Variants in LDLRAD3 observed in about 807,000 individuals in gnomAD.
LDLRAD3 encodes the protein low-density lipoprotein receptor class A domain-containing protein 3.
A neutral mutation model predicts 29.4 loss-of-function variants in LDLRAD3; 20 were observed. The ratio of observed to expected loss-of-function variants is 0.68; its 90% CI spans 0.48 to 0.99. LDLRAD3 has a LOEUF of 0.99. Ranked by LOEUF, LDLRAD3 falls within the 50% of genes least tolerant of loss-of-function variation. LDLRAD3 has a pLI of 0.00. For missense variants in LDLRAD3, 420 were observed against 454.3 expected (o/e 0.92, Z 0.69); for synonymous variants, 157 against 192.7 (o/e 0.81, Z 1.53).
chr11:35,947,700 A>G (rs1248498561), intron 1 of LDLRAD3, among the ~76,000 whole-genome samples: 2 of 152,168 alleles, frequency 1.3e-5, no homozygotes, highest in African/African-American at 2.4e-5. Context: ...GGAGAGATTG[A>G]TAATACCCAG....
intron 2 of LDLRAD3, among the ~76,000 whole-genome samples, chr11:36,046,744 C>T (rs1393492625): frequency 6.6e-6 from 1 of 152,138 alleles, no homozygotes; most frequent in Admixed American, 6.5e-5. Flanking sequence ...ACTTAGCTGC[C>T]TGGTGGTCCC....
At chr11:36,004,045 G>A (rs1387839182) in intron 1 of LDLRAD3, among the ~76,000 whole-genome samples, 1 of 152,114 alleles carries the variant, frequency 6.6e-6, no homozygotes, top group East Asian at 1.9e-4. Flanking sequence ...TGAGACTTGG[G>A]TGGGGGCACA....
At chr11:36,069,487 G>A (rs1392723522) in intron 2 of LDLRAD3, among the ~76,000 whole-genome samples, 1 of 152,124 alleles carries the variant, frequency 6.6e-6, no homozygotes, top group Non-Finnish European at 1.5e-5. Flanking sequence ...TTTCACTTTG[G>A]GGAGCTGTGC....
At chr11:36,073,982 A>C (rs1218070814) in intron 2 of LDLRAD3, among the ~76,000 whole-genome samples, 2 of 152,116 alleles carry the variant, frequency 1.3e-5, no homozygotes, top group African/African-American at 4.8e-5. Flanking sequence ...CAGTTTTCTT[A>C]TCTGTAAAAT....
chr11:36,185,061 C>A (rs889511773), intron 4 of LDLRAD3, among the ~76,000 whole-genome samples: 1 of 151,906 alleles, frequency 6.6e-6, no homozygotes, highest in Non-Finnish European at 1.5e-5. Context: ...AGGTTTTTTC[C>A]CCAGTAGGGG....
intron 1 of LDLRAD3, among the ~76,000 whole-genome samples, chr11:35,985,137 C>T (rs972890026): frequency 6.6e-6 from 1 of 152,026 alleles, no homozygotes; most frequent in Non-Finnish European, 1.5e-5. Flanking sequence ...TCCTTTGTTG[C>T]CCAGGCTGAT....
At chr11:36,117,680 C>T (rs1404347425) in intron 4 of LDLRAD3, among the ~76,000 whole-genome samples, 4 of 152,208 alleles carry the variant, frequency 2.6e-5, no homozygotes, top group South Asian at 2.1e-4. Context: ...GTGTGACAGC[C>T]GTGGCTGCTG....
intron 4 of LDLRAD3, among the ~76,000 whole-genome samples, chr11:36,099,375 C>T (rs551993254): frequency 1.3e-5 from 2 of 152,042 alleles, no homozygotes; most frequent in East Asian, 1.9e-4. Flanking sequence ...TTAAGGCATC[C>T]GAAAGAATAT....
At position 36,057,322 on chromosome 11, in the gene LDLRAD3, C is replaced by T. The variant is rs538326223; in HGVS notation, c.193+21073C>T. Among the ~76,000 whole-genome samples the T allele has an allele frequency of 1.3e-3, 196 of 151,380 alleles. 4 individuals are homozygous for T. The South Asian group carries it at 0.038, about 30-fold the overall frequency. On this transcript the variant is annotated intron_variant, in intron 2 of 5. Coordinates refer to ENST00000315571, the MANE Select transcript of LDLRAD3 (RefSeq NM_174902.4). ...GAAGCCCACTTGTATCCTGTTTCGC[C>T]GGGGGAGCCTAATCTACACTCAAGT...
At chr11:36,116,823 A>G (rs1271769635) in intron 4 of LDLRAD3, among the ~76,000 whole-genome samples, 1 of 150,130 alleles carries the variant, frequency 6.7e-6, no homozygotes, top group East Asian at 2.0e-4. Context: ...TTGCCTGAGT[A>G]ACCTTTCTTT....
intron 1 of LDLRAD3, among the ~76,000 whole-genome samples, chr11:36,029,737 A>G: frequency 6.6e-6 from 1 of 152,174 alleles, no homozygotes; most frequent in South Asian, 2.1e-4. Flanking sequence ...GGCTTTCTTT[A>G]CTAACTCGCT....
intron 4 of LDLRAD3, among the ~76,000 whole-genome samples, chr11:36,175,622 G>C (rs777172093): frequency 3.3e-5 from 5 of 152,138 alleles, no homozygotes; most frequent in Non-Finnish European, 7.4e-5. Context: ...TGGTTTTAAG[G>C]GTTCCTTTTG....
chr11:36,165,818 A>G (rs1854504683), intron 4 of LDLRAD3, among the ~76,000 whole-genome samples: 1 of 151,392 alleles, frequency 6.6e-6, no homozygotes, highest in Admixed American at 6.6e-5. Flanking sequence ...TGATCCAAAG[A>G]TTCTAGTTAA....
At chr11:35,991,568 T>C (rs879755065) in intron 1 of LDLRAD3, among the ~76,000 whole-genome samples, 7 of 152,210 alleles carry the variant, frequency 4.6e-5, no homozygotes, top group African/African-American at 1.4e-4. Context: ...TTCACAAATT[T>C]GTCATGTTCC....
At chr11:36,134,202 G>A (rs776020938) in intron 4 of LDLRAD3, among the ~76,000 whole-genome samples, 2 of 152,088 alleles carry the variant, frequency 1.3e-5, no homozygotes, top group African/African-American at 2.4e-5. Context: ...AGGGAGATCC[G>A]GAGAAGCTTC....
intron 2 of LDLRAD3, among the ~76,000 whole-genome samples, chr11:36,046,319 C>T (rs1193600939): frequency 6.6e-6 from 1 of 152,114 alleles, no homozygotes; most frequent in Non-Finnish European, 1.5e-5. Context: ...GTGAGGCCTC[C>T]CCAGCCATGT....
chr11:36,082,546 T>C (rs1244152917), intron 3 of LDLRAD3, among the ~76,000 whole-genome samples: 1 of 152,194 alleles, frequency 6.6e-6, no homozygotes, highest in Non-Finnish European at 1.5e-5. Context: ...ATGCATACTA[T>C]AAAAATTTAT....
chr11:36,055,001 GCAT>G (rs1852595744), intron 2 of LDLRAD3, among the ~76,000 whole-genome samples: 1 of 125,910 alleles, frequency 7.9e-6, no homozygotes, highest in Non-Finnish European at 1.7e-5. Context: ...ATGGATGGAT[GCAT>G]GGATGGATAG....
intron 3 of LDLRAD3, among the ~76,000 whole-genome samples, chr11:36,091,094 C>T (rs1427735551): frequency 6.6e-6 from 1 of 152,140 alleles, no homozygotes. Context: ...TCAGTGCAGC[C>T]CCCTCTCCCT....
Sources: gnomAD v4.1 joint callset for allele counts (sites outside exome capture counted in the v4.1 genomes callset) on GRCh38, gnomAD v4.1.1 for gene constraint, MANE v1.5 for transcripts, NCBI Gene and HGNC (gene_info 2026-07-23, HGNC 2026-07-21) for gene names.